B3GALT1: variants seen among roughly 807,000 people sequenced by gnomAD.
B3GALT1 encodes the protein UDP-Gal:betaGlcNAc beta 1,3-galactosyltransferase, polypeptide 1.
In B3GALT1, 10 loss-of-function variants were observed where a neutral mutation model predicts 23.2. The ratio of observed to expected loss-of-function variants is 0.43; its 90% CI spans 0.27 to 0.73. B3GALT1 has a LOEUF of 0.73. B3GALT1 is among the 30% of genes least tolerant of loss of function. The pLI, the probability that B3GALT1 is intolerant of heterozygous loss-of-function variation, is 0.21. For missense variants in B3GALT1, 299 were observed against 405.4 expected (o/e 0.74, Z 2.25); for synonymous variants, 156 against 141.5 (o/e 1.10, Z -0.73).
At chr2:167,632,213 G>C (rs1263668626) in intron 2 of B3GALT1, among the ~76,000 whole-genome samples, 2 of 152,050 alleles carry the variant, frequency 1.3e-5, no homozygotes, top group African/African-American at 2.4e-5. Flanking sequence ...ATTTGGGTTG[G>C]TTCCAAGTCT....
At chr2:167,681,106 G>T (rs1686522222) in intron 3 of B3GALT1, among the ~76,000 whole-genome samples, 1 of 152,140 alleles carries the variant, frequency 6.6e-6, no homozygotes, top group Admixed American at 6.5e-5. Context: ...GTTAGGAAGG[G>T]GATGGAATAG....
chr2:167,297,563 C>T (rs2105477419), intron 1 of B3GALT1, among the ~76,000 whole-genome samples: 1 of 152,196 alleles, frequency 6.6e-6, no homozygotes, highest in East Asian at 1.9e-4. Context: ...AGTCCAATTA[C>T]AGATCAAACT....
chr2:167,502,671 G>A (rs1194489716), intron 2 of B3GALT1, among the ~76,000 whole-genome samples: 2 of 152,048 alleles, frequency 1.3e-5, no homozygotes, highest in Non-Finnish European at 2.9e-5. Flanking sequence ...ACTATTACAA[G>A]AACAGCAAGG....
At chr2:167,620,043 C>T (rs1029830053) in intron 2 of B3GALT1, among the ~76,000 whole-genome samples, 6 of 151,976 alleles carry the variant, frequency 3.9e-5, no homozygotes, top group Non-Finnish European at 7.4e-5. Flanking sequence ...TAAAGTGGAT[C>T]GTTAGGAAAA....
At chr2:167,474,840 C>T (rs1699467994) in intron 1 of B3GALT1, among the ~76,000 whole-genome samples, 2 of 152,230 alleles carry the variant, frequency 1.3e-5, no homozygotes, top group East Asian at 3.9e-4. Context: ...GTAGTTTGCT[C>T]TCCAAAGGGA....
intron 2 of B3GALT1, among the ~76,000 whole-genome samples, chr2:167,562,521 C>G (rs1410153632): frequency 1.3e-5 from 2 of 152,076 alleles, no homozygotes; most frequent in Non-Finnish European, 2.9e-5. Context: ...CAAATTGTCC[C>G]TGTTTGCAGA....
intron 3 of B3GALT1, among the ~76,000 whole-genome samples, chr2:167,729,885 G>C (rs1687382049): frequency 6.6e-6 from 1 of 152,142 alleles, no homozygotes; most frequent in Non-Finnish European, 1.5e-5. Context: ...GCTGCAGGTG[G>C]TGGCCAAGCC....
Position 167,872,690 on chromosome 2 carries a change from A to G in B3GALT1, c.*2670A>G, listed in dbSNP as rs1690376372. 2 of 152,224 alleles carry G rather than the reference A, an allele frequency of 1.3e-5. No homozygotes were observed. Among genetic ancestry groups the G allele is most frequent in the African/African-American group, 2.4e-5 (1 of 41,452 alleles). The allele number at this position is 152,224 out of a possible 1,614,324, so 9.4% of individuals were successfully genotyped here. Reference sequence around the variant, plus strand: ...AATCGTTTTATATGTGTGTGCATACATTATGATACAGCCCTGATCTTTAAA... The same window carrying G: ...AATCGTTTTATATGTGTGTGCATACGTTATGATACAGCCCTGATCTTTAAA... On this transcript the variant is annotated 3_prime_UTR_variant, in exon 5 of 5. Coordinates refer to ENST00000392690, the MANE Select transcript of B3GALT1 (RefSeq NM_020981.4).
chr2:167,759,974 T>C (rs1015675601), intron 3 of B3GALT1, among the ~76,000 whole-genome samples: 2 of 152,156 alleles, frequency 1.3e-5, no homozygotes, highest in African/African-American at 4.8e-5. Context: ...AGGGAAAGCA[T>C]AGAATGAAAA....
intron 3 of B3GALT1, among the ~76,000 whole-genome samples, chr2:167,817,510 C>G (rs991395128): frequency 2.0e-5 from 3 of 152,174 alleles, no homozygotes. Flanking sequence ...GAGTCAGTCT[C>G]TAAACCCAAC....
intron 3 of B3GALT1, among the ~76,000 whole-genome samples, chr2:167,663,646 T>C (rs939702839): frequency 9.4e-5 from 14 of 149,474 alleles, no homozygotes; most frequent in Admixed American, 2.7e-4. Context: ...TTTTAATGAT[T>C]GCCATTCTAA....
chr2:167,410,270 G>A (rs1029540065), intron 1 of B3GALT1, among the ~76,000 whole-genome samples: 6 of 152,106 alleles, frequency 3.9e-5, no homozygotes, highest in Admixed American at 2.0e-4. Context: ...TTGGGAGGCC[G>A]AGGTGAGTGG....
chr2:167,756,503 C>T (rs546298904), intron 3 of B3GALT1, among the ~76,000 whole-genome samples: 6 of 152,244 alleles, frequency 3.9e-5, no homozygotes, highest in Non-Finnish European at 5.9e-5. Flanking sequence ...CGATATGCTA[C>T]GATCAATACT....
chr2:167,758,673 T>C (rs376093336), intron 3 of B3GALT1, among the ~76,000 whole-genome samples: 37 of 152,240 alleles, frequency 2.4e-4, no homozygotes, highest in African/African-American at 7.5e-4. Context: ...CATTTTTTTT[T>C]CCCTATGAAT....
intron 4 of B3GALT1, among the ~76,000 whole-genome samples, chr2:167,819,771 A>C (rs907564096): frequency 1.3e-5 from 2 of 152,240 alleles, no homozygotes; most frequent in African/African-American, 2.4e-5. Context: ...AAGCAAGTTC[A>C]ACAAAACTCC....
At chr2:167,594,677 A>G (rs1574157964) in intron 2 of B3GALT1, among the ~76,000 whole-genome samples, 1 of 152,052 alleles carries the variant, frequency 6.6e-6, no homozygotes. Context: ...CTTTGGGAGG[A>G]CGAGGCGGGC....
intron 1 of B3GALT1, among the ~76,000 whole-genome samples, chr2:167,419,564 A>G (rs527719832): frequency 3.3e-5 from 5 of 152,348 alleles, no homozygotes; most frequent in Admixed American, 3.3e-4. Context: ...AATATAAAAG[A>G]CAATTATGAG....
intron 4 of B3GALT1, among the ~76,000 whole-genome samples, chr2:167,867,992 A>C (rs1211909480): frequency 2.0e-5 from 3 of 152,202 alleles, no homozygotes; most frequent in African/African-American, 7.2e-5. Context: ...TTTATAGGCA[A>C]ATGTAACTAG....
At chr2:167,617,671 T>A (rs931612129) in intron 2 of B3GALT1, among the ~76,000 whole-genome samples, 3 of 152,212 alleles carry the variant, frequency 2.0e-5, no homozygotes, top group South Asian at 2.1e-4. Flanking sequence ...CAGTTCTAAT[T>A]TGGGAGGTAC....
Sources: gnomAD v4.1 joint callset for allele counts (sites outside exome capture counted in the v4.1 genomes callset) on GRCh38, gnomAD v4.1.1 for gene constraint, MANE v1.5 for transcripts, NCBI Gene and HGNC (gene_info 2026-07-23, HGNC 2026-07-21) for gene names.